The following MINDY1 variants were observed in gnomAD, a reference collection of about 807,000 sequenced individuals.
MINDY1 encodes MINDY lysine 48 deubiquitinase 1.
In MINDY1, 50 loss-of-function variants were observed where a neutral mutation model predicts 53.6. The ratio of observed to expected loss-of-function variants is 0.93; its 90% CI spans 0.74 to 1.18. MINDY1 has a LOEUF of 1.18. Among genes scored for constraint, MINDY1 ranks in the 50% most tolerant of loss-of-function variants. The pLI, the probability that MINDY1 is intolerant of heterozygous loss-of-function variation, is 0.00. For synonymous variants in MINDY1, 231 were observed against 234.7 expected, an observed-to-expected ratio of 0.98 and a Z score of 0.14; for missense variants, 484 against 578.6, an observed-to-expected ratio of 0.84 and a Z score of 1.68.
Position 151,001,720 on chromosome 1 carries a change from C to T in MINDY1, c.511+5G>A, listed in dbSNP as rs1361366436. On this transcript the variant is annotated splice_donor_5th_base_variant and intron_variant, in intron 3 of 9. Coordinates refer to ENST00000683666, the MANE Select transcript of MINDY1 (RefSeq NM_001376665.1). Reference sequence around the variant, plus strand: ...GTAATTCCTCTTCAACGCCCAGTCACTCACCAAGATGGGCCATGAGCTCAT... The same window carrying T: ...GTAATTCCTCTTCAACGCCCAGTCATTCACCAAGATGGGCCATGAGCTCAT... The T allele has an allele frequency of 1.2e-6, 2 of 1,610,222 alleles. No homozygotes were observed. Among genetic ancestry groups the T allele is most frequent in the Non-Finnish European group, 1.7e-6 (2 of 1,178,946 alleles).
chr1:151,007,397 G>A (rs1295187466), upstream of MINDY1, among the ~76,000 whole-genome samples: 5 of 152,178 alleles, frequency 3.3e-5, no homozygotes, highest in Non-Finnish European at 7.4e-5. Flanking sequence ...CCAGCTACTC[G>A]GGAGGCTGAG....
At chr1:150,998,320 G>A (rs774825840) in intron 7 of MINDY1, 47 bp from the exon 8 acceptor site, 3 of 1,535,624 alleles carry the variant, frequency 2.0e-6, no homozygotes, top group Non-Finnish European at 2.6e-6. Flanking sequence ...TTGATACGGA[G>A]GCAGTTCACT....
rs200819371 is a variant in MINDY1, at chr1:151,000,407, T to C, written c.735+50A>G. 6 of 1,528,750 alleles carry C rather than the reference T, an allele frequency of 3.9e-6. No homozygotes were observed. In the African/African-American group the frequency reaches 6.9e-5, roughly 18 times the overall value. 94.7% of individuals were successfully genotyped at this position (1,528,750 alleles called of 1,614,324 possible). ...TCTACCCGACAAAAATTTGCCTCTC[T>C]CATGTCAGCTTGAGCTGGATAAGGT... On this transcript the variant is annotated intron_variant, in intron 5 of 9. Transcript: ENST00000683666.
At chr1:150,997,497 G>A (rs1376270036) in intron 9 of MINDY1, 127 bp downstream of exon 9, 1 of 1,556,960 alleles carries the variant, frequency 6.4e-7, no homozygotes, top group African/African-American at 1.4e-5. Context: ...CAGGGGAGAG[G>A]GACAGGCAGG....
At chr1:150,997,581 T>C (rs746735245) in intron 9 of MINDY1, 43 bp downstream of exon 9, 6 of 1,602,980 alleles carry the variant, frequency 3.7e-6, no homozygotes, top group African/African-American at 1.3e-5. Context: ...CGGCAAAGCA[T>C]GAGGTGGAAA....
intron 1 of MINDY1, among the ~76,000 whole-genome samples, chr1:151,004,911 T>C (rs897662983): frequency 6.6e-6 from 1 of 152,140 alleles, no homozygotes; most frequent in Non-Finnish European, 1.5e-5. Flanking sequence ...TTGAGGAACA[T>C]TAAAGTTACT....
At chr1:151,000,197 A>G (rs587715932) in intron 5 of MINDY1, among the ~76,000 whole-genome samples, 2 of 152,182 alleles carry the variant, frequency 1.3e-5, no homozygotes, top group South Asian at 2.1e-4. Flanking sequence ...GAATACAGGC[A>G]TGTGCCACCA....
chr1:150,996,980 A>G lies in MINDY1; in HGVS notation c.*307T>C. The G allele has an allele frequency of 2.6e-6, 1 of 378,370 alleles. No homozygotes were observed. Among genetic ancestry groups the G allele is most frequent in the Non-Finnish European group, 4.8e-6 (1 of 207,956 alleles). The allele number at this position is 378,370 out of a possible 1,614,324, so 23.4% of individuals were successfully genotyped here. A position where few individuals can be genotyped will look rare whatever the true frequency, so the allele number is the denominator to read the frequency against. ...GCAGCAGGGATGGGAAGCAGAAGAG[A>G]TGCATTCTGGATAGGGACCTCACCC... On this transcript the variant is annotated 3_prime_UTR_variant, in exon 10 of 10. Transcript: ENST00000683666.
chr1:151,002,975 C>T lies in MINDY1; in HGVS notation c.-89-269G>A, dbSNP rs778455592. ...ATGGGTGGAGTCAGCTTCCCTGAAA[C>T]AGATCATGACAGGGAAGGGAGGAAA... is the stretch of plus-strand genomic sequence containing the variant. On this transcript the variant is annotated intron_variant, in intron 1 of 9. Transcript: ENST00000683666. The surrounding 1 kb of genome is among the most constrained non-coding windows in gnomAD (Gnocchi z 4.1). 530 of 1,239,994 alleles carry T rather than the reference C, an allele frequency of 4.3e-4. No homozygotes were observed. Among genetic ancestry groups the T allele is most frequent in the Non-Finnish European group, 5.2e-4 (511 of 985,226 alleles). The allele number at this position is 1,239,994 out of a possible 1,614,324, so 76.8% of individuals were successfully genotyped here.
At chr1:151,001,854 C>A in intron 2 of MINDY1, 72 bp from the exon 3 acceptor site, 2 of 1,508,724 alleles carry the variant, frequency 1.3e-6, no homozygotes, top group South Asian at 1.3e-5. Context: ...CATGGAAAGG[C>A]AAGGGGGAGC....
At chr1:150,998,503 C>T (rs1168893298) in intron 7 of MINDY1, among the ~76,000 whole-genome samples, 3 of 152,086 alleles carry the variant, frequency 2.0e-5, no homozygotes, top group Admixed American at 1.3e-4. Flanking sequence ...TACAGGCACC[C>T]GCCACCATGC....
intron 4 of MINDY1, among the ~76,000 whole-genome samples, chr1:151,000,832 G>A (rs146105692): frequency 6.6e-6 from 1 of 152,086 alleles, no homozygotes; most frequent in Non-Finnish European, 1.5e-5. Context: ...AGGCTGGAGT[G>A]CAGTGGTGTG....
In MINDY1 at chr1:151,006,864, T is replaced by TGCCTG. The variant is rs1490566953; in HGVS notation, c.-647_-643dup. 2.0e-6 allele frequency: 2 copies of TGCCTG among 985,302 alleles called. No individual in the cohort carries two copies. The highest frequency in any genetic ancestry group is 3.5e-5 in the African/African-American group (2 of 57,214). 61.0% of individuals were successfully genotyped at this position (985,302 alleles called of 1,614,324 possible). On this transcript the variant is annotated 5_prime_UTR_variant, in exon 1 of 10. Transcript: ENST00000683666. ...AACAACAGACCCTTTCTCTTCCCTC[T>TGCCTG]GCCTGCCTCTAGAAGGGACGGAGCG...
At chr1:151,007,015 G>A (rs1307162070), upstream of MINDY1, 7 of 418,354 alleles carry the variant, frequency 1.7e-5, no homozygotes, top group Non-Finnish European at 2.2e-5. Context: ...CTTTGCTCTG[G>A]ATCCACAGAA....
At position 151,006,326 on chromosome 1, in the gene MINDY1, T is replaced by G. The variant is rs1433770682; in HGVS notation, c.-104A>C. 2 of 1,416,324 alleles carry G rather than the reference T, an allele frequency of 1.4e-6. No homozygotes were observed. Among genetic ancestry groups the G allele is most frequent in the East Asian group, 5.2e-5 (2 of 38,544 alleles). 87.7% of individuals were successfully genotyped at this position (1,416,324 alleles called of 1,614,324 possible). ...AAAGTTTTTACCTTAAAGAAGGGGGTGCTGTTCCAAGATTGAGAAGGAGGG... is the reference window on the plus strand; with the variant it reads ...AAAGTTTTTACCTTAAAGAAGGGGGGGCTGTTCCAAGATTGAGAAGGAGGG... On this transcript the variant is annotated 5_prime_UTR_variant, in exon 1 of 10. Transcript: ENST00000683666.
At chr1:151,001,669 G>C in intron 3 of MINDY1, 56 bp downstream of exon 3, 1 of 1,590,756 alleles carries the variant, frequency 6.3e-7, no homozygotes, top group South Asian at 1.1e-5. Flanking sequence ...ATTTCTGGCT[G>C]AGTGGATAGC....
Position 150,998,240 on chromosome 1 carries a change from A to G in MINDY1, c.1015T>C (p.Phe339Leu), listed in dbSNP as rs1295061797. Residue 339 changes from phenylalanine to leucine, a missense_variant, in exon 8 of 10, where the codon TTT becomes CTT. Physicochemically the swap from Phe to Leu is conservative, Grantham distance 22 (BLOSUM62 0). Coordinates refer to ENST00000683666, the MANE Select transcript of MINDY1 (RefSeq NM_001376665.1). ...HLYLLVTDQG[F>L]LQEEQVVWES... ...CATACGACTTGCTCCTCCTGTAGAA[A>G]GCCCTGGTCAGTGACCAGTAGGTAT... 2 of 1,614,120 alleles carry G rather than the reference A, an allele frequency of 1.2e-6. No individual in the cohort carries two copies. Among genetic ancestry groups the G allele is most frequent in the Non-Finnish European group, 1.7e-6 (2 of 1,180,008 alleles).
upstream of MINDY1, chr1:151,008,333 T>G (rs141186212): frequency 3.2e-4 from 420 of 1,320,894 alleles, 1 homozygote; most frequent in African/African-American, 5.4e-3. Context: ...GGACTACGTT[T>G]CCCACGTCGC....
chr1:150,997,680 G>T lies in MINDY1; in HGVS notation c.1273C>A (p.Gln425Lys). 1 of 1,613,400 alleles carries T rather than the reference G, an allele frequency of 6.2e-7. No individual in the cohort carries two copies. The change falls in exon 9 of 10, where the codon CAA becomes AAA. Residue 425 changes from glutamine to lysine, a missense_variant. By Grantham distance (53) the Gln-to-Lys change is moderately conservative. Transcript: ENST00000683666. Reference sequence around the variant, plus strand: ...ACTGGCTGCGCTGCCTGCTGCTGTTGATACTCCTCTTGCTGAAGCTGCTGG... The same window carrying T: ...ACTGGCTGCGCTGCCTGCTGCTGTTTATACTCCTCTTGCTGAAGCTGCTGG... ...LAQQLQQEEY[Q>K]QQQAAQPVRM...
Sources: allele counts gnomAD v4.1 joint callset (sites outside exome capture counted in the v4.1 genomes callset), GRCh38; gene constraint gnomAD v4.1.1; non-coding constraint Gnocchi (gnomAD v3.1); transcripts MANE v1.5; gene names NCBI Gene and HGNC (gene_info 2026-07-23, HGNC 2026-07-21).